Variants in CPPED1 observed in about 807,000 individuals in gnomAD.
CPPED1 encodes calcineurin like phosphoesterase domain containing 1.
In CPPED1, 28 loss-of-function variants were observed where a neutral mutation model predicts 28.0. The ratio of observed to expected loss-of-function variants is 1.00; its 90% CI spans 0.74 to 1.37. CPPED1 has a LOEUF of 1.37. CPPED1 is among the 40% of genes most tolerant of loss of function. The pLI is 0.00. For missense variants in CPPED1, 504 were observed against 416.5 expected (o/e 1.21, Z -1.83); for synonymous variants, 198 against 180.2 (o/e 1.10, Z -0.79).
chr16:12,744,297 A>C (rs140643602), intron 2 of CPPED1, among the ~76,000 whole-genome samples: 97,193 of 129,958 alleles, frequency 0.75, 36,331 homozygotes, highest in Admixed American at 0.81. Context: ...AGAGAGAGAG[A>C]AAGCAAGCAA....
At chr16:12,739,826 G>A (rs1317016378) in intron 2 of CPPED1, among the ~76,000 whole-genome samples, 2 of 152,104 alleles carry the variant, frequency 1.3e-5, no homozygotes, top group Non-Finnish European at 2.9e-5. Flanking sequence ...TGATAAAAGG[G>A]TTAGGTGTCA....
In CPPED1 at chr16:12,799,414, T is replaced by G. The variant is rs141863970; in HGVS notation, c.70+4293A>C. Reference sequence around the variant, plus strand: ...GTGCCTGCCACCACACCCGGCTAATTTTTTTAATTTTAGTAGAGATGGGGT... The same window carrying G: ...GTGCCTGCCACCACACCCGGCTAATGTTTTTAATTTTAGTAGAGATGGGGT... On this transcript the variant is annotated intron_variant, in intron 1 of 3. Coordinates refer to ENST00000381774, the MANE Select transcript of CPPED1 (RefSeq NM_018340.3). Among the ~76,000 whole-genome samples, 1,205 of 152,178 alleles carry G rather than the reference T, an allele frequency of 7.9e-3. 15 individuals are homozygous for G. Among genetic ancestry groups the G allele is most frequent in the African/African-American group, 0.028 (1,147 of 41,514 alleles).
At chr16:12,673,272 C>A (rs2079861768) in intron 3 of CPPED1, among the ~76,000 whole-genome samples, 1 of 152,188 alleles carries the variant, frequency 6.6e-6, no homozygotes, top group African/African-American at 2.4e-5. Flanking sequence ...GGTTTCACAG[C>A]CAGTCTGTAG....
intron 2 of CPPED1, among the ~76,000 whole-genome samples, chr16:12,740,656 T>C (rs1317058026): frequency 6.6e-6 from 1 of 152,166 alleles, no homozygotes; most frequent in Non-Finnish European, 1.5e-5. Flanking sequence ...CTCCTTTATA[T>C]AGCAGGGGTT....
chr16:12,722,212 T>C (rs1394991268), intron 2 of CPPED1, among the ~76,000 whole-genome samples: 1 of 152,234 alleles, frequency 6.6e-6, no homozygotes, highest in Non-Finnish European at 1.5e-5. Context: ...AACAGGCCAC[T>C]AATGGAGCCT....
chr16:12,694,980 GT>G (rs1247432419), intron 3 of CPPED1, among the ~76,000 whole-genome samples: 1 of 152,066 alleles, frequency 6.6e-6, no homozygotes, highest in East Asian at 1.9e-4. Context: ...GTTTCACCAT[GT>G]TGGCCAGGCT....
At chr16:12,703,700 A>T (rs1188725395) in intron 3 of CPPED1, among the ~76,000 whole-genome samples, 1 of 148,304 alleles carries the variant, frequency 6.7e-6, no homozygotes, top group East Asian at 2.0e-4. Flanking sequence ...AAAAAAAAAA[A>T]AAGTAAGCCC....
At chr16:12,777,286 A>G (rs1273916488) in intron 2 of CPPED1, among the ~76,000 whole-genome samples, 2 of 152,214 alleles carry the variant, frequency 1.3e-5, no homozygotes, top group Non-Finnish European at 2.9e-5. Context: ...GTTAGTAACA[A>G]ACTGTTCTAA....
rs1459826962 is a variant in CPPED1, at chr16:12,704,868, G to A, written c.471C>T (p.Gly157=). 22 of 1,614,038 alleles carry A rather than the reference G, an allele frequency of 1.4e-5. No individual in the cohort carries two copies. The highest frequency in any genetic ancestry group is 1.6e-4 in the Middle Eastern group (1 of 6,084). Residue 157 remains glycine (G), a synonymous_variant, in exon 3 of 4, where the codon GGC becomes GGT. Transcript: ENST00000381774. The stretch of plus-strand genomic sequence containing the variant: ...GGGAGTTGAGGACCAGGAACAGGAC[G>A]CCCCCGACCCAGAAGCTGAAGTAGT... The part of the protein sequence containing the change: ...GDDYFSFWVG[G]VLFLVLNSQF...
At chr16:12,730,263 A>C (rs1263944035) in intron 2 of CPPED1, among the ~76,000 whole-genome samples, 1 of 152,116 alleles carries the variant, frequency 6.6e-6, no homozygotes, top group Non-Finnish European at 1.5e-5. Flanking sequence ...TGGCCTCCCA[A>C]AGTGTTCGGA....
intron 3 of CPPED1, among the ~76,000 whole-genome samples, chr16:12,675,848 A>G (rs1371885406): frequency 1.3e-5 from 2 of 152,228 alleles, no homozygotes; most frequent in Non-Finnish European, 2.9e-5. Context: ...AGGGAGAGAA[A>G]TGGAAAGTTA....
At position 12,665,002 on chromosome 16, in the gene CPPED1, C is replaced by T. The variant is rs199618401; in HGVS notation, c.829G>A (p.Gly277Arg). The T allele has an allele frequency of 5.5e-4, 882 of 1,611,200 alleles. No individual in the cohort carries two copies. The highest frequency in any genetic ancestry group is 7.8e-4 in the Admixed American group (46 of 59,138). Residue 277 changes from glycine to arginine, a missense_variant, in exon 4 of 4, where the codon GGG (glycine) becomes AGG (arginine). Gly to Arg is a moderately radical substitution (Grantham distance 125). Transcript: ENST00000381774. ...IGCQLGRDPH[G>R]LRVVVVTAEK... ...GCGGTGACCACCACGACTCGGAGCCCGTGGGGGTCTCTGCCCAGCTGGCAT... is the reference window on the plus strand; with the variant it reads ...GCGGTGACCACCACGACTCGGAGCCTGTGGGGGTCTCTGCCCAGCTGGCAT...
intron 2 of CPPED1, among the ~76,000 whole-genome samples, chr16:12,777,928 G>C (rs1451489497): frequency 1.2e-5 from 1 of 81,362 alleles, no homozygotes; most frequent in Middle Eastern, 7.0e-3. Flanking sequence ...TTCTTTTTTT[G>C]AGATGAAGTC....
In CPPED1 at chr16:12,662,579, T is replaced by A. The variant is rs2079801225; in HGVS notation, c.*2307A>T. 1 of 152,202 alleles carries A rather than the reference T, an allele frequency of 6.6e-6. No homozygotes were observed. The highest frequency in any genetic ancestry group is 2.4e-5 in the African/African-American group (1 of 41,458). The allele number at this position is 152,202 out of a possible 1,614,324, so 9.4% of individuals were successfully genotyped here. A position where few individuals can be genotyped will look rare whatever the true frequency, so the allele number is the denominator to read the frequency against. On this transcript the variant is annotated 3_prime_UTR_variant, in exon 4 of 4. Transcript: ENST00000381774. ...TCTCCAATGTTTGTTCCACACTCTA[T>A]GTTCATGGGTACACTTTATGTAGCT...
rs563040889 is a variant in CPPED1 at position 12,672,155 on chromosome 16, A to G, written c.716-7040T>C. Among the ~76,000 whole-genome samples, 5 of 152,376 alleles carry G rather than the reference A, an allele frequency of 3.3e-5. No homozygotes were observed. In the East Asian group the frequency reaches 9.6e-4, roughly 29 times the overall value. The stretch of plus-strand genomic sequence containing the variant: ...TGCAACACTACAAAATTGTGTAACA[A>G]TGCATGACTGCAATTCCATTGACTT... On this transcript the variant is annotated intron_variant, in intron 3 of 3. Transcript: ENST00000381774.
intron 1 of CPPED1, among the ~76,000 whole-genome samples, chr16:12,790,953 G>A (rs1277679389): frequency 6.9e-6 from 1 of 145,860 alleles, no homozygotes; most frequent in African/African-American, 2.5e-5. Context: ...GTAGAACATA[G>A]TATTAGTATG....
chr16:12,690,258 C>A (rs536328861), intron 3 of CPPED1, among the ~76,000 whole-genome samples: 39 of 151,760 alleles, frequency 2.6e-4, no homozygotes, highest in African/African-American at 9.2e-4. Context: ...ATGCGTATAA[C>A]CACAGCACTT....
intron 3 of CPPED1, among the ~76,000 whole-genome samples, chr16:12,698,107 C>A (rs1161939357): frequency 6.6e-6 from 1 of 152,184 alleles, no homozygotes; most frequent in South Asian, 2.1e-4. Flanking sequence ...GAGACTCTGA[C>A]CCCAACCCCC....
intron 2 of CPPED1, among the ~76,000 whole-genome samples, chr16:12,711,297 G>A (rs2080078572): frequency 6.6e-6 from 1 of 152,218 alleles, no homozygotes; most frequent in Non-Finnish European, 1.5e-5. Flanking sequence ...TTCAGAGGCA[G>A]AAAGTAGAAT....
Sources: allele counts gnomAD v4.1 joint callset (sites outside exome capture counted in the v4.1 genomes callset), GRCh38; gene constraint gnomAD v4.1.1; transcripts MANE v1.5; gene names NCBI Gene and HGNC (gene_info 2026-07-23, HGNC 2026-07-21).